The following PAPPA variants were observed in gnomAD, a reference collection of about 807,000 sequenced individuals.
The protein encoded by PAPPA is pappalysin 1.
A neutral mutation model predicts 164.0 loss-of-function variants in PAPPA; 60 were observed. The ratio of observed to expected loss-of-function variants is 0.37; its 90% CI spans 0.30 to 0.45. The LOEUF (loss-of-function observed/expected upper bound fraction) is 0.45. Ranked by LOEUF, PAPPA falls within the 20% of genes least tolerant of loss-of-function variation. PAPPA has a pLI of 1.00. For synonymous variants in PAPPA, 875 were observed against 814.1 expected, an observed-to-expected ratio of 1.07 and a Z score of -1.27; for missense variants, 1,782 against 2,087.3, an observed-to-expected ratio of 0.85 and a Z score of 2.85.
Position 116,347,517 on chromosome 9 carries a change from A to T in PAPPA, c.3964+308A>T, listed in dbSNP as rs1159925209. Among the ~76,000 whole-genome samples, 1 of 152,226 alleles carries T rather than the reference A, an allele frequency of 6.6e-6. No individual in the cohort carries two copies. The highest frequency in any genetic ancestry group is 1.5e-5 in the Non-Finnish European group (1 of 68,034). On this transcript the variant is annotated intron_variant, in intron 15 of 21. Coordinates refer to ENST00000328252, the MANE Select transcript of PAPPA (RefSeq NM_002581.5). The surrounding 1 kb of genome is among the most constrained non-coding windows in gnomAD (Gnocchi z 4.5). ...GAAGGAAGAGAGAAAAAGAAAAAAAAGTTACATTTGGGACTGATGAAACTA... is the reference window on the plus strand; with the variant it reads ...GAAGGAAGAGAGAAAAAGAAAAAAATGTTACATTTGGGACTGATGAAACTA...
intron 1 of PAPPA, among the ~76,000 whole-genome samples, chr9:116,186,528 A>G (rs922591573): frequency 6.6e-6 from 1 of 152,124 alleles, no homozygotes; most frequent in Admixed American, 6.5e-5. Flanking sequence ...ATGAAGTTCC[A>G]GCTTTTCAGG....
chr9:116,210,877 G>T (rs1426025487), intron 3 of PAPPA, among the ~76,000 whole-genome samples: 2 of 152,110 alleles, frequency 1.3e-5, no homozygotes, highest in Non-Finnish European at 2.9e-5. Flanking sequence ...CTTGATGTAT[G>T]GAGGTGCTAT....
intron 10 of PAPPA, among the ~76,000 whole-genome samples, chr9:116,304,288 G>T (rs1315160910): frequency 1.3e-5 from 2 of 152,192 alleles, no homozygotes; most frequent in Non-Finnish European, 2.9e-5. Context: ...CCCAGCAAAT[G>T]TGTGTTTAAT....
chr9:116,358,063 G>A (rs1275880988), intron 17 of PAPPA, among the ~76,000 whole-genome samples: 1 of 152,114 alleles, frequency 6.6e-6, no homozygotes, highest in Non-Finnish European at 1.5e-5. Flanking sequence ...TCATTTCCGG[G>A]TTGTTAAATG....
At chr9:116,194,238 G>C (rs1461604709) in intron 2 of PAPPA, among the ~76,000 whole-genome samples, 1 of 152,174 alleles carries the variant, frequency 6.6e-6, no homozygotes, top group Non-Finnish European at 1.5e-5. Context: ...ATCTCTCTGA[G>C]CCTCCAATTC....
chr9:116,202,990 A>G (rs1338394075), intron 2 of PAPPA, among the ~76,000 whole-genome samples: 1 of 152,160 alleles, frequency 6.6e-6, no homozygotes, highest in Non-Finnish European at 1.5e-5. Context: ...CTGAACAGGT[A>G]CGGACCCTGA....
intron 3 of PAPPA, among the ~76,000 whole-genome samples, chr9:116,210,164 C>T (rs2859737): frequency 6.6e-6 from 1 of 152,130 alleles, no homozygotes; most frequent in Non-Finnish European, 1.5e-5. Context: ...TGCCTGCCCC[C>T]TTCTCATACC....
chr9:116,294,368 G>A (rs950261372), intron 9 of PAPPA, among the ~76,000 whole-genome samples: 3 of 152,194 alleles, frequency 2.0e-5, no homozygotes, highest in Non-Finnish European at 4.4e-5. Context: ...CTTGTTAGCA[G>A]ATTCATGGTT....
intron 9 of PAPPA, among the ~76,000 whole-genome samples, chr9:116,278,712 G>A (rs1489567412): frequency 6.6e-6 from 1 of 151,948 alleles, no homozygotes; most frequent in African/African-American, 2.4e-5. Flanking sequence ...AGCAATGTTG[G>A]AGACAGAGGA....
intron 2 of PAPPA, among the ~76,000 whole-genome samples, chr9:116,189,385 A>G (rs146737918): frequency 9.3e-4 from 141 of 152,342 alleles, no homozygotes; most frequent in African/African-American, 3.2e-3. Context: ...CATCATGTCT[A>G]CCTTAAATAT....
At chr9:116,354,208 T>C (rs899781938) in intron 17 of PAPPA, among the ~76,000 whole-genome samples, 2 of 152,182 alleles carry the variant, frequency 1.3e-5, no homozygotes, top group South Asian at 4.2e-4. Flanking sequence ...AGTACAGTTT[T>C]GAGAACACCA....
rs1480977044 is a variant in PAPPA at position 116,235,541 on chromosome 9, T to C, written c.2636T>C (p.Leu879Pro). ...TCCACTGCAGACACCCCACTCTGTC[T>C]ACAGTGTAAGCCCCTGAAGTATAAG... is the stretch of plus-strand genomic sequence containing the variant. ...LTSTADTPLC[L>P]QCKPLKYKVV... Residue 879 changes from leucine (L) to proline (P), a missense_variant, in exon 7 of 22, where the codon CTA becomes CCA. Leu to Pro is a moderately conservative substitution (Grantham distance 98). Transcript: ENST00000328252. 6.2e-7 allele frequency: 1 copy of C among 1,613,558 alleles called. No homozygotes were observed. Among genetic ancestry groups the C allele is most frequent in the African/African-American group, 1.3e-5 (1 of 74,916 alleles).
chr9:116,176,897 C>T (rs922246125), intron 1 of PAPPA, among the ~76,000 whole-genome samples: 1 of 151,898 alleles, frequency 6.6e-6, no homozygotes, highest in Non-Finnish European at 1.5e-5. Context: ...ATCAGGGAAG[C>T]TTCCTTTACT....
intron 1 of PAPPA, among the ~76,000 whole-genome samples, chr9:116,159,048 G>T (rs12344396): frequency 6.6e-6 from 1 of 152,064 alleles, no homozygotes; most frequent in Non-Finnish European, 1.5e-5. Flanking sequence ...AGATCGAAGA[G>T]GGTGAGAAAT....
chr9:116,325,418 G>T (rs895774080), intron 10 of PAPPA, among the ~76,000 whole-genome samples: 2 of 152,162 alleles, frequency 1.3e-5, no homozygotes, highest in Admixed American at 6.6e-5. Flanking sequence ...CTGCAGAGGG[G>T]GAATCGGAGA....
rs1846983280 is a variant in PAPPA at position 116,397,655 on chromosome 9, C to G, written c.*1039C>G. 1 of 152,624 alleles carries G rather than the reference C, an allele frequency of 6.6e-6. No individual in the cohort carries two copies. The highest frequency in any genetic ancestry group is 6.5e-5 in the Admixed American group (1 of 15,278). 9.5% of individuals were successfully genotyped at this position (152,624 alleles called of 1,614,324 possible). On this transcript the variant is annotated 3_prime_UTR_variant, in exon 22 of 22. Transcript: ENST00000328252. Reference sequence around the variant, plus strand: ...AGTTAAGTTTCCTGTAAGTGGGCCTCTCACCCTGGAAAGGAGTTGAGGGAC... The same window carrying G: ...AGTTAAGTTTCCTGTAAGTGGGCCTGTCACCCTGGAAAGGAGTTGAGGGAC...
chr9:116,281,339 A>G (rs1313245869), intron 9 of PAPPA, among the ~76,000 whole-genome samples: 1 of 151,958 alleles, frequency 6.6e-6, no homozygotes, highest in Non-Finnish European at 1.5e-5. Flanking sequence ...CATTTCATCC[A>G]TCTCCCTCCT....
chr9:116,293,320 T>G (rs1247417903), intron 9 of PAPPA, among the ~76,000 whole-genome samples: 1 of 152,270 alleles, frequency 6.6e-6, no homozygotes, highest in African/African-American at 2.4e-5. Context: ...TTTAAATCTT[T>G]AGATGGGCTA....
chr9:116,360,871 A>G (rs1398788273), intron 17 of PAPPA, among the ~76,000 whole-genome samples: 3 of 152,216 alleles, frequency 2.0e-5, no homozygotes, highest in Non-Finnish European at 4.4e-5. Flanking sequence ...TGCAAAACAG[A>G]TGATAAACAA....
Sources: allele counts gnomAD v4.1 joint callset (sites outside exome capture counted in the v4.1 genomes callset), GRCh38; gene constraint gnomAD v4.1.1; non-coding constraint Gnocchi (gnomAD v3.1); transcripts MANE v1.5; gene names NCBI Gene and HGNC (gene_info 2026-07-23, HGNC 2026-07-21).